ZAN: variants seen among roughly 807,000 people sequenced by gnomAD.
The protein encoded by ZAN is zonadhesin, also known as zonadhesin (gene/pseudogene).
ZAN carries 260 observed loss-of-function variants against 286.2 expected under a neutral mutation model. That is an observed-to-expected ratio of 0.91 (90% CI 0.82 to 1.01). The LOEUF (loss-of-function observed/expected upper bound fraction) is 1.01, where lower values mean the gene tolerates loss of function less well. Ranked by LOEUF, ZAN falls within the 50% of genes least tolerant of loss-of-function variation. The pLI is 0.00. For synonymous variants in ZAN, 1,368 were observed against 1,417.5 expected, an observed-to-expected ratio of 0.97 and a Z score of 0.79; for missense variants, 3,410 against 3,639.2, an observed-to-expected ratio of 0.94 and a Z score of 1.62.
chr7:100,790,948 C>T lies in ZAN; in HGVS notation c.7364C>T (p.Ser2455Phe), dbSNP rs1458412189. The T allele has an allele frequency of 6.2e-7, 1 of 1,611,022 alleles. No homozygotes were observed. Among genetic ancestry groups the T allele is most frequent in the East Asian group, 2.2e-5 (1 of 44,782 alleles). The change falls in exon 40 of 48, where the codon TCC becomes TTC. Residue 2455 changes from serine to phenylalanine, a missense_variant. Transcript: ENST00000613979. The part of the protein sequence containing the change: ...SFGGRKNAVI[S>F]LPSMYEGLVS... ...GACCCCCTTCCTCCCGCAGTGATCT[C>T]CCTACCCAGCATGTACGAGGGGCTT...
intron 35 of ZAN, 112 bp downstream of exon 35, chr7:100,779,862 C>T (rs1811087646): frequency 3.4e-6 from 4 of 1,176,832 alleles, no homozygotes; most frequent in South Asian, 2.0e-5. Flanking sequence ...ACTCAGCCCT[C>T]ATTGTTTCTT....
chr7:100,762,013 G>A (rs1015627559), intron 19 of ZAN, among the ~76,000 whole-genome samples: 1 of 151,952 alleles, frequency 6.6e-6, no homozygotes, highest in Non-Finnish European at 1.5e-5. Context: ...GGGCCAGCAA[G>A]GGGTTTGCTG....
chr7:100,788,047 G>A lies in ZAN; in HGVS notation c.7138G>A (p.Asp2380Asn). ...PLLVEGRNKM[D>N]PPRSSIFLQE... Reference sequence around the variant, plus strand: ...CCTCGTGGAAGGACGCAACAAGATGGATCCGCCCAGGAGCTCCATCTTCTT... The same window carrying A: ...CCTCGTGGAAGGACGCAACAAGATGAATCCGCCCAGGAGCTCCATCTTCTT... The change falls in exon 38 of 48, where the codon GAT (aspartate) becomes AAT (asparagine). Residue 2380 changes from aspartate to asparagine, a missense_variant. By Grantham distance (23) the Asp-to-Asn change is conservative. This residue lies in a region of ZAN where 1,289 missense variants were observed against 1,314.3 expected (regional missense o/e 0.98). Coordinates refer to ENST00000613979, the MANE Select transcript of ZAN (RefSeq NM_003386.3). 1 of 1,597,140 alleles carries A rather than the reference G, an allele frequency of 6.3e-7. No homozygotes were observed. The highest frequency in any genetic ancestry group is 2.2e-5 in the East Asian group (1 of 44,830).
chr7:100,755,096 C>A (rs1809046969), intron 14 of ZAN, 130 bp from the exon 15 acceptor site: 1 of 1,114,472 alleles, frequency 9.0e-7, no homozygotes, highest in South Asian at 1.6e-5. Context: ...AGCCTTCAGG[C>A]CTTTTTATGG....
intron 35 of ZAN, among the ~76,000 whole-genome samples, chr7:100,780,403 A>G (rs927006181): frequency 1.3e-5 from 2 of 151,230 alleles, no homozygotes; most frequent in Admixed American, 1.3e-4. Flanking sequence ...GTTGGGTGTG[A>G]TGGCTCATGC....
Position 100,763,991 on chromosome 7 carries a change from C to T in ZAN, c.4098-36C>T. 6.2e-7 allele frequency: 1 copy of T among 1,613,812 alleles called. No homozygotes were observed. The highest frequency in any genetic ancestry group is 8.5e-7 in the Non-Finnish European group (1 of 1,179,756). On this transcript the variant is annotated intron_variant, in intron 21 of 47. Coordinates refer to ENST00000613979, the MANE Select transcript of ZAN (RefSeq NM_003386.3). This position sits in a 1 kb window ranked among gnomAD's most constrained non-coding sequence, Gnocchi z 4.6. Reference sequence around the variant, plus strand: ...GGCTCCTCCAAGGCTCTACCCCCTTCCACTGCATTCCCCCTGACTTGGTCA... The same window carrying T: ...GGCTCCTCCAAGGCTCTACCCCCTTTCACTGCATTCCCCCTGACTTGGTCA...
chr7:100,776,765 G>A (rs532038469), intron 34 of ZAN, among the ~76,000 whole-genome samples: 3 of 100,856 alleles, frequency 3.0e-5, no homozygotes, highest in Admixed American at 1.6e-4. Context: ...TTGCTCTGTC[G>A]CCCAGGCCGG....
chr7:100,797,778 T>A lies in ZAN; in HGVS notation c.*46T>A. On this transcript the variant is annotated 3_prime_UTR_variant, in exon 48 of 48. Coordinates refer to ENST00000613979, the MANE Select transcript of ZAN (RefSeq NM_003386.3). Reference sequence around the variant, plus strand: ...CTTCAGACAAGAAGATTAAATAAATTTATATATTTATTTATTTGAGACAGG... The same window carrying A: ...CTTCAGACAAGAAGATTAAATAAATATATATATTTATTTATTTGAGACAGG... 6.3e-7 allele frequency: 1 copy of A among 1,587,956 alleles called. No individual in the cohort carries two copies. Among genetic ancestry groups the A allele is most frequent in the South Asian group, 1.1e-5 (1 of 88,578 alleles).
chr7:100,767,716 C>A, intron 25 of ZAN, 115 bp from the exon 26 acceptor site: 2 of 1,183,724 alleles, frequency 1.7e-6, no homozygotes, highest in Non-Finnish European at 2.3e-6. Flanking sequence ...TGGGCTCAAG[C>A]GATCCTCCGC....
Position 100,735,296 on chromosome 7 carries a change from G to A in ZAN, c.54-424G>A. ...CAAAAAACAGAGGGCTGAGCACAGT[G>A]GCTCCCACCGGTAATCCCAGCACTT... On this transcript the variant is annotated intron_variant, in intron 2 of 47. Transcript: ENST00000613979. Among the ~76,000 whole-genome samples, 2 of 139,592 alleles carry A rather than the reference G, an allele frequency of 1.4e-5. 1 individual carries two copies. Among genetic ancestry groups the A allele is most frequent in the Non-Finnish European group, 3.2e-5 (2 of 62,358 alleles). 91.6% of individuals were successfully genotyped at this position (139,592 alleles called of 152,430 possible). A position where few individuals can be genotyped will look rare whatever the true frequency, so the allele number is the denominator to read the frequency against.
Position 100,792,102 on chromosome 7 carries a change from C to A in ZAN, c.7666C>A (p.Pro2556Thr). The change falls in exon 41 of 48, where the codon CCC (proline) becomes ACC (threonine). Residue 2556 changes from proline (P) to threonine (T), a missense_variant. This residue lies in a region of ZAN where 1,289 missense variants were observed against 1,314.3 expected (regional missense o/e 0.98). Transcript: ENST00000613979. ...ACRVLADPQG[P>T]FAACHQTVAP... ...TAGGGTGCTGGCAGACCCCCAGGGCCCCTTTGCTGCCTGTCACCAGACGGT... is the reference window on the plus strand; with the variant it reads ...TAGGGTGCTGGCAGACCCCCAGGGCACCTTTGCTGCCTGTCACCAGACGGT... 6.2e-7 allele frequency: 1 copy of A among 1,612,668 alleles called. No homozygotes were observed.
At position 100,763,787 on chromosome 7, in the gene ZAN, T is replaced by C; in HGVS notation, c.3987-19T>C. The C allele has an allele frequency of 6.2e-7, 1 of 1,611,770 alleles. No homozygotes were observed. The highest frequency in any genetic ancestry group is 8.5e-7 in the Non-Finnish European group (1 of 1,177,934). On this transcript the variant is annotated intron_variant, in intron 20 of 47. Coordinates refer to ENST00000613979, the MANE Select transcript of ZAN (RefSeq NM_003386.3). This position sits in a 1 kb window ranked among gnomAD's most constrained non-coding sequence, Gnocchi z 4.6. ...AAGCGAGCTTTGTCTTTAGGGAGTT[T>C]GGGGTGGGTCTCTTGCAGGTGTCAG... is the stretch of plus-strand genomic sequence containing the variant.
intron 7 of ZAN, among the ~76,000 whole-genome samples, chr7:100,746,251 A>G (rs1479686715): frequency 6.6e-6 from 1 of 151,924 alleles, no homozygotes; most frequent in Admixed American, 6.6e-5. Flanking sequence ...CAAAAACAAA[A>G]CAACAACAAC....
intron 35 of ZAN, among the ~76,000 whole-genome samples, chr7:100,783,791 T>TATATATATATATATATACACAC (rs1562952416): frequency 6.7e-5 from 1 of 14,938 alleles, no homozygotes; most frequent in African/African-American, 1.2e-4. Flanking sequence ...TATACACATA[T>TATATATATATATATATACACAC]ATATATATAC....
rs1387347283 is a variant in ZAN, at chr7:100,736,888, G to A, written c.333G>A (p.Glu111=). The change falls in exon 5 of 48, where the codon GAG becomes GAA. Residue 111 remains glutamate, a synonymous_variant. Transcript: ENST00000613979. The part of the protein sequence containing the change: ...VARLLSPDLW[E]QGPLCVHFAH... ...GCCTGCTCAGCCCCGACCTATGGGA[G>A]CAAGGCCCCCTCTGTGTGCACTTTG... The A allele has an allele frequency of 3.4e-6, 5 of 1,488,200 alleles. 2 individuals carry two copies. Among genetic ancestry groups the A allele is most frequent in the East Asian group, 2.4e-5 (1 of 42,184 alleles). The allele number at this position is 1,488,200 out of a possible 1,614,324, so 92.2% of individuals were successfully genotyped here. A position where few individuals can be genotyped will look rare whatever the true frequency, so the allele number is the denominator to read the frequency against.
Position 100,752,422 on chromosome 7 carries a change from C to A in ZAN, c.2317C>A (p.Leu773Ile), listed in dbSNP as rs763661330. The A allele has an allele frequency of 3.9e-6, 6 of 1,554,524 alleles. No homozygotes were observed. Among genetic ancestry groups the A allele is most frequent in the East Asian group, 2.4e-5 (1 of 41,558 alleles). Residue 773 changes from leucine to isoleucine, a missense_variant, in exon 14 of 48, where the codon CTC (leucine) becomes ATC (isoleucine). Leu to Ile is a conservative substitution (Grantham distance 5). Coordinates refer to ENST00000613979, the MANE Select transcript of ZAN (RefSeq NM_003386.3). ...TEKPTISPEK[L>I]TIPTEKPTIP... ...AAAACCCACCATCTCCCCAGAAAAA[C>A]TCACCATCCCCACAGAAAAACCCAC...
chr7:100,751,300 G>A (rs748172019), intron 13 of ZAN, 34 bp downstream of exon 13: 28 of 1,465,234 alleles, frequency 1.9e-5, no homozygotes, highest in Admixed American at 9.3e-5. Flanking sequence ...GGAAGGGGGC[G>A]GTGCCCTGAG....
intron 39 of ZAN, among the ~76,000 whole-genome samples, chr7:100,790,291 G>A (rs575818555): frequency 6.6e-6 from 1 of 151,778 alleles, no homozygotes; most frequent in African/African-American, 2.4e-5. Flanking sequence ...GGCTGGGCAC[G>A]GTGGCTCACA....
At position 100,768,245 on chromosome 7, in the gene ZAN, G is replaced by A. The variant is rs557600725; in HGVS notation, c.5041+234G>A. On this transcript the variant is annotated intron_variant, in intron 26 of 47. Coordinates refer to ENST00000613979, the MANE Select transcript of ZAN (RefSeq NM_003386.3). ...GCAACACTTTGAGAGCCCGAGGAGG[G>A]TGGATCACTTGAGGTCAAGGGTTCG... Among the ~76,000 whole-genome samples the A allele has an allele frequency of 1.1e-4, 16 of 152,328 alleles. No individual in the cohort carries two copies. In the East Asian group the frequency reaches 2.9e-3, roughly 28 times the overall value.
Sources: allele counts gnomAD v4.1 joint callset (sites outside exome capture counted in the v4.1 genomes callset), GRCh38; gene constraint gnomAD v4.1.1; regional missense constraint gnomAD v4.1.1; non-coding constraint Gnocchi (gnomAD v3.1); transcripts MANE v1.5; gene names NCBI Gene and HGNC (gene_info 2026-07-23, HGNC 2026-07-21).